CLEC4F: variants seen among roughly 807,000 people sequenced by gnomAD.
CLEC4F encodes the protein C-type (calcium dependent, carbohydrate-recognition domain) lectin, superfamily member 13.
CLEC4F carries 45 observed loss-of-function variants against 53.4 expected under a neutral mutation model. The observed-to-expected ratio is 0.84, with a 90% CI of 0.66 to 1.08. CLEC4F has a LOEUF of 1.08. Among genes scored for constraint, CLEC4F ranks in the 50% least tolerant of loss-of-function variants. CLEC4F has a pLI of 0.00. For synonymous variants in CLEC4F, 245 were observed against 257.5 expected, an observed-to-expected ratio of 0.95 and a Z score of 0.46; for missense variants, 753 against 698.2, an observed-to-expected ratio of 1.08 and a Z score of -0.88.
At chr2:70,813,231 T>C (rs1676661661) in intron 4 of CLEC4F, among the ~76,000 whole-genome samples, 1 of 152,228 alleles carries the variant, frequency 6.6e-6, no homozygotes, top group Non-Finnish European at 1.5e-5. Context: ...ACGTGCATTG[T>C]GCAACGTTCC....
At chr2:70,812,087 C>G (rs1553394397) in intron 5 of CLEC4F, among the ~76,000 whole-genome samples, 1 of 152,030 alleles carries the variant, frequency 6.6e-6, no homozygotes, top group African/African-American at 2.4e-5. Flanking sequence ...GAACGAGACA[C>G]TGTCTCCAAA....
chr2:70,812,451 T>C lies in CLEC4F; in HGVS notation c.1535A>G (p.Glu512Gly). The C allele has an allele frequency of 3.1e-6, 5 of 1,613,914 alleles. No homozygotes were observed. Among genetic ancestry groups the C allele is most frequent in the Non-Finnish European group, 3.4e-6 (4 of 1,179,996 alleles). ...CCCCATGCTCGCAGCTCTGACCTGC[T>C]CCTCCTTGGAGGCCACAGATGCCAG... ...AHLASVASKEEQAFLVEFTSK... is the reference protein window; with the variant it reads ...AHLASVASKEGQAFLVEFTSK... Residue 512 changes from glutamate (E) to glycine (G), a missense_variant, in exon 5 of 7, where the codon GAG (glutamate) becomes GGG (glycine). Physicochemically the swap from Glu to Gly is moderately conservative, Grantham distance 98. Coordinates refer to ENST00000272367, the MANE Select transcript of CLEC4F (RefSeq NM_173535.3).
Position 70,809,065 on chromosome 2 carries a change from T to TTCTTTTCCCAC in CLEC4F, c.*205_*206insGTGGGAAAAGA. 1 of 1,542,820 alleles carries TTCTTTTCCCAC rather than the reference T, an allele frequency of 6.5e-7. No individual in the cohort carries two copies. The highest frequency in any genetic ancestry group is 8.7e-7 in the Non-Finnish European group (1 of 1,146,540). On this transcript the variant is annotated 3_prime_UTR_variant, in exon 7 of 7. Transcript: ENST00000272367. ...CTTGTGCCGCCAGTTGTCAGACTGA[T>TTCTTTTCCCAC]TCTTTTCCCAAAACCCGAAGACAAC...
Position 70,817,074 on chromosome 2 carries a change from G to C in CLEC4F, c.307C>G (p.Leu103Val), listed in dbSNP as rs1553396553. 1.2e-6 allele frequency: 2 copies of C among 1,612,768 alleles called. No homozygotes were observed. The highest frequency in any genetic ancestry group is 1.7e-5 in the Admixed American group (1 of 60,010). ...ATGTGGCCTTTAAATGTCTGGATAAGCTCTCGCATTTCTGCCTCCCTGCCA... is the reference window on the plus strand; with the variant it reads ...ATGTGGCCTTTAAATGTCTGGATAACCTCTCGCATTTCTGCCTCCCTGCCA... ...HFGREAEMRE[L>V]IQTFKGHMEN... The change falls in exon 4 of 7, where the codon CTT becomes GTT. Residue 103 changes from leucine to valine, a missense_variant. Leu to Val is a conservative substitution (Grantham distance 32). Transcript: ENST00000272367.
upstream of CLEC4F, among the ~76,000 whole-genome samples, chr2:70,821,061 C>T (rs1451163180): frequency 2.0e-5 from 3 of 152,178 alleles, no homozygotes; most frequent in Non-Finnish European, 4.4e-5. Flanking sequence ...GGAGGATGTG[C>T]GGAGGTTATA....
chr2:70,814,074 A>G (rs1261604503), intron 4 of CLEC4F, among the ~76,000 whole-genome samples: 9 of 152,210 alleles, frequency 5.9e-5, no homozygotes, highest in African/African-American at 1.9e-4. Flanking sequence ...ACAAAGGCAT[A>G]AAGGTCAGGA....
rs79654164 is a variant in CLEC4F at position 70,812,669 on chromosome 2, C to A, written c.1388-71G>T. The A allele has an allele frequency of 2.2e-3, 3,345 of 1,522,466 alleles. 71 individuals carry two copies. The African/African-American group carries it at 0.041, about 19-fold the overall frequency. The allele number at this position is 1,522,466 out of a possible 1,614,324, so 94.3% of individuals were successfully genotyped here. On this transcript the variant is annotated intron_variant, in intron 4 of 6. Coordinates refer to ENST00000272367, the MANE Select transcript of CLEC4F (RefSeq NM_173535.3). ...GGAGTCCCAGAAGGAACTTTTCTGACCTCTCTAGGGCCTGCCCACTGAGGT... is the reference window on the plus strand; with the variant it reads ...GGAGTCCCAGAAGGAACTTTTCTGAACTCTCTAGGGCCTGCCCACTGAGGT...
At chr2:70,813,482 C>CTCTT (rs1243440266) in intron 4 of CLEC4F, among the ~76,000 whole-genome samples, 1 of 150,520 alleles carries the variant, frequency 6.6e-6, no homozygotes, top group South Asian at 2.1e-4. Flanking sequence ...AGCTGAGTCT[C>CTCTT]TCTTTCTTTC....
At chr2:70,819,586 C>G in intron 2 of CLEC4F, 142 bp from the exon 3 acceptor site, 1 of 905,772 alleles carries the variant, frequency 1.1e-6, no homozygotes, top group Non-Finnish European at 1.8e-6. Flanking sequence ...AACCTCAGTT[C>G]TTGGGAGGCT....
chr2:70,813,220 A>C (rs17656087), intron 4 of CLEC4F, among the ~76,000 whole-genome samples: 29,129 of 152,246 alleles, frequency 0.19, 3,356 homozygotes, highest in Middle Eastern at 0.3. Context: ...TCTTTTGTTC[A>C]ACGTGCATTG....
At chr2:70,824,621 CCAAA>C (rs1480981902), upstream of CLEC4F, among the ~76,000 whole-genome samples, 20 of 38,270 alleles carry the variant, frequency 5.2e-4, no homozygotes, top group South Asian at 1.3e-3. Flanking sequence ...TGCTTAGTTA[CCAAA>C]AAAAAAAAAA....
chr2:70,822,598 A>G (rs1227596423), upstream of CLEC4F, among the ~76,000 whole-genome samples: 4 of 152,214 alleles, frequency 2.6e-5, no homozygotes, highest in East Asian at 7.7e-4. Flanking sequence ...TGGCTGGTCA[A>G]GGAACCCCTC....
upstream of CLEC4F, among the ~76,000 whole-genome samples, chr2:70,822,947 C>T (rs565413772): frequency 2.0e-5 from 3 of 152,356 alleles, no homozygotes; most frequent in Admixed American, 6.5e-5. Context: ...AGAAGCCACA[C>T]GGAACGTGCC....
upstream of CLEC4F, among the ~76,000 whole-genome samples, chr2:70,823,011 T>C (rs945231321): frequency 1.6e-4 from 25 of 152,176 alleles, no homozygotes; most frequent in African/African-American, 5.8e-4. Flanking sequence ...GCCTGTGCCA[T>C]GCGTGGCTGA....
intron 4 of CLEC4F, among the ~76,000 whole-genome samples, chr2:70,813,579 C>CTT (rs1676698425): frequency 1.6e-5 from 2 of 127,700 alleles, no homozygotes; most frequent in African/African-American, 5.9e-5. Flanking sequence ...CTTTCTTTTT[C>CTT]TTTCTCTCTC....
At chr2:70,820,311 G>T (rs1677167379) in intron 1 of CLEC4F, 152 bp downstream of exon 1, 2 of 671,148 alleles carry the variant, frequency 3.0e-6, no homozygotes, top group East Asian at 5.9e-5. Flanking sequence ...TGAATTCAAA[G>T]TTCATCCCCT....
chr2:70,809,362 C>T lies in CLEC4F; in HGVS notation c.1679G>A (p.Cys560Tyr). The part of the protein sequence containing the change: ...QNKAPGSKGS[C>Y]PLRKYIIVNS... ...CACAATAATATACTTTCTGAGTGGG[C>T]AGGATCCCTTGGAACCAGGCCTGAG... Residue 560 changes from cysteine to tyrosine, a missense_variant, in exon 7 of 7, where the codon TGC (cysteine) becomes TAC (tyrosine). Cys to Tyr is a radical substitution (Grantham distance 194). Transcript: ENST00000272367. The T allele has an allele frequency of 6.2e-7, 1 of 1,611,540 alleles. No individual in the cohort carries two copies. Among genetic ancestry groups the T allele is most frequent in the Non-Finnish European group, 8.5e-7 (1 of 1,178,974 alleles).
upstream of CLEC4F, among the ~76,000 whole-genome samples, chr2:70,821,715 G>A (rs1225001150): frequency 2.0e-5 from 3 of 152,120 alleles, no homozygotes; most frequent in African/African-American, 7.2e-5. Context: ...GGTTGTTGCA[G>A]AAACCCCCTA....
chr2:70,822,823 T>G (rs1677259533), upstream of CLEC4F, among the ~76,000 whole-genome samples: 1 of 152,240 alleles, frequency 6.6e-6, no homozygotes, highest in African/African-American at 2.4e-5. Context: ...CTTTGCTACT[T>G]TCACCCTCTG....
Sources: gnomAD v4.1 joint callset for allele counts (sites outside exome capture counted in the v4.1 genomes callset) on GRCh38, gnomAD v4.1.1 for gene constraint, MANE v1.5 for transcripts, NCBI Gene and HGNC (gene_info 2026-07-23, HGNC 2026-07-21) for gene names.